DENND4A: variants seen among roughly 807,000 people sequenced by gnomAD.
The protein encoded by DENND4A is DENN domain containing 4A, also known as C-myc promoter-binding protein.
A neutral mutation model predicts 199.3 loss-of-function variants in DENND4A; 70 were observed. That is an observed-to-expected ratio of 0.35 (90% CI 0.29 to 0.43). The LOEUF (loss-of-function observed/expected upper bound fraction) is 0.43, where lower values mean the gene tolerates loss of function less well. Ranked by LOEUF, DENND4A falls within the 20% of genes least tolerant of loss-of-function variation. The pLI is 1.00. For synonymous variants in DENND4A, 686 were observed against 766.9 expected, an observed-to-expected ratio of 0.89 and a Z score of 1.74; for missense variants, 1,723 against 2,255.8, an observed-to-expected ratio of 0.76 and a Z score of 4.78.
At chr15:65,771,086 C>A (rs1449690791) in intron 1 of DENND4A, 6 of 1,280,736 alleles carry the variant, frequency 4.7e-6, no homozygotes, top group Non-Finnish European at 6.4e-6. Flanking sequence ...AGTATCAGAT[C>A]TTTCCCTTCA....
At chr15:65,718,355 A>T (rs961584760) in intron 12 of DENND4A, among the ~76,000 whole-genome samples, 1 of 152,088 alleles carries the variant, frequency 6.6e-6, no homozygotes, top group Non-Finnish European at 1.5e-5. Context: ...TCTTTACAAA[A>T]TTTTTTTTAA....
intron 14 of DENND4A, among the ~76,000 whole-genome samples, chr15:65,712,256 T>C (rs1011952987): frequency 2.0e-5 from 3 of 152,234 alleles, no homozygotes; most frequent in Non-Finnish European, 4.4e-5. Context: ...TACAAGGCTC[T>C]GAATGTGTTC....
At chr15:65,728,787 C>T (rs2075882664) in intron 11 of DENND4A, among the ~76,000 whole-genome samples, 1 of 151,946 alleles carries the variant, frequency 6.6e-6, no homozygotes, top group African/African-American at 2.4e-5. Context: ...CCGCGCCCGG[C>T]CCCCTTTGGC....
chr15:65,723,943 T>C (rs1156560260), intron 11 of DENND4A, among the ~76,000 whole-genome samples: 3 of 152,068 alleles, frequency 2.0e-5, no homozygotes, highest in African/African-American at 7.2e-5. Flanking sequence ...TCCTTTATTA[T>C]AGCAATTACA....
rs1237270771 is a variant in DENND4A, at chr15:65,669,918, G to C, written c.4648C>G (p.Leu1550Val). ...RDLRRPGRYFLKSSPSTENMH... is the reference protein window; with the variant it reads ...RDLRRPGRYFVKSSPSTENMH... Reference sequence around the variant, plus strand: ...TTTTCTGTTGATGGGCTTGACTTTAGAAAGTATCTGTAATGTGAATCGAAG... The same window carrying C: ...TTTTCTGTTGATGGGCTTGACTTTACAAAGTATCTGTAATGTGAATCGAAG... The change falls in exon 27 of 33, where the codon CTA becomes GTA. Residue 1550 changes from leucine (L) to valine (V), a missense_variant. Transcript: ENST00000443035. The C allele has an allele frequency of 1.9e-6, 3 of 1,613,798 alleles. No homozygotes were observed. The highest frequency in any genetic ancestry group is 3.3e-5 in the Admixed American group (2 of 60,004).
chr15:65,748,058 AAAAAAGG>A (rs2076456597), intron 4 of DENND4A, among the ~76,000 whole-genome samples: 2 of 147,748 alleles, frequency 1.4e-5, no homozygotes, highest in African/African-American at 2.5e-5. Flanking sequence ...AAAAAAAAAA[AAAAAAGG>A]AAAAAAAAAA....
chr15:65,741,780 C>G lies in DENND4A; in HGVS notation c.566G>C (p.Gly189Ala), dbSNP rs1438372746. 1.2e-6 allele frequency: 2 copies of G among 1,610,174 alleles called. No homozygotes were observed. Among genetic ancestry groups the G allele is most frequent in the Admixed American group, 3.3e-5 (2 of 59,970 alleles). ...TTTATAACACAAGTATACTGCTGAT[C>G]CCCACTGGATTTAAAAAAATAGAAA... ...VDKNLNNSMWGSAVYLCYKKS... is the reference protein window; with the variant it reads ...VDKNLNNSMWASAVYLCYKKS... Residue 189 changes from glycine to alanine, a missense_variant, in exon 5 of 33, where the codon GGA (glycine) becomes GCA (alanine). Transcript: ENST00000443035.
In DENND4A at chr15:65,720,895, T is replaced by G. The variant is rs111367627; in HGVS notation, c.1588+1953A>C. Among the ~76,000 whole-genome samples, 813 of 145,044 alleles carry G rather than the reference T, an allele frequency of 5.6e-3. 4 individuals carry two copies. The highest frequency in any genetic ancestry group is 0.014 in the African/African-American group (563 of 39,448). On this transcript the variant is annotated intron_variant, in intron 12 of 32. Coordinates refer to ENST00000443035, the MANE Select transcript of DENND4A (RefSeq NM_001320835.1). ...CAGTATTATTTAAATGTTTGTAGTT[T>G]TAACCTTTGAGATTCTGCCTTTCAC...
intron 1 of DENND4A, chr15:65,771,745 C>G (rs1031004849): frequency 1.9e-6 from 3 of 1,612,382 alleles, no homozygotes; most frequent in Non-Finnish European, 2.5e-6. Context: ...CACAAAACCT[C>G]TATGGAAATT....
At chr15:65,755,806 T>C (rs996711296) in intron 3 of DENND4A, among the ~76,000 whole-genome samples, 1 of 152,182 alleles carries the variant, frequency 6.6e-6, no homozygotes, top group African/African-American at 2.4e-5. Flanking sequence ...CATTATAACA[T>C]GCTTAAAAGC....
At chr15:65,720,950 TATATATATATATATATATA>T (rs2075610013) in intron 12 of DENND4A, among the ~76,000 whole-genome samples, 1 of 30,350 alleles carries the variant, frequency 3.3e-5, no homozygotes, top group South Asian at 1.9e-3. Context: ...TCATTGATTA[TATATATATATATATATATA>T]TATATATATA....
At chr15:65,724,915 A>G (rs1176915367) in intron 11 of DENND4A, among the ~76,000 whole-genome samples, 1 of 152,202 alleles carries the variant, frequency 6.6e-6, no homozygotes, top group Non-Finnish European at 1.5e-5. Context: ...AGAAAGAAGA[A>G]TATGTGGTTT....
rs1348926318 is a variant in DENND4A, at chr15:65,766,635, TG to T, written c.-101-5198del. On this transcript the variant is annotated intron_variant, in intron 1 of 32. Coordinates refer to ENST00000443035, the MANE Select transcript of DENND4A (RefSeq NM_001320835.1). ...GGATTTTGGAATCCACAGGTGGTCC[TG>T]GAACTGGTCCCCAGCAGACAGTGAG... 14 of 152,286 alleles carry T rather than the reference TG, an allele frequency of 9.2e-5. No individual in the cohort carries two copies. In the South Asian group the frequency reaches 2.7e-3, roughly 29 times the overall value. 9.4% of individuals were successfully genotyped at this position (152,286 alleles called of 1,614,324 possible).
chr15:65,791,809 C>G (rs2077736743), intron 1 of DENND4A, among the ~76,000 whole-genome samples: 1 of 152,178 alleles, frequency 6.6e-6, no homozygotes, highest in Non-Finnish European at 1.5e-5. Flanking sequence ...GGGTGCTACT[C>G]TCAGCACCGC....
In DENND4A at chr15:65,660,579, A is replaced by G; in HGVS notation, c.*1272T>C. 1 of 366,118 alleles carries G rather than the reference A, an allele frequency of 2.7e-6. No homozygotes were observed. Among genetic ancestry groups the G allele is most frequent in the Non-Finnish European group, 4.9e-6 (1 of 204,998 alleles). 22.7% of individuals were successfully genotyped at this position (366,118 alleles called of 1,614,324 possible). On this transcript the variant is annotated 3_prime_UTR_variant, in exon 33 of 33. Transcript: ENST00000443035. ...TTTTTCCTTACCAGAAATTACCCAA[A>G]GAAAGTTACATTAGAAATAATATGA...
chr15:65,665,135 C>CA (rs1426706421), intron 30 of DENND4A: 5 of 468,670 alleles, frequency 1.1e-5, no homozygotes, highest in East Asian at 3.3e-5. Context: ...AAACAAAAAA[C>CA]AAAAAACAAA....
At chr15:65,781,540 T>C (rs764387146) in intron 1 of DENND4A, among the ~76,000 whole-genome samples, 1 of 152,026 alleles carries the variant, frequency 6.6e-6, no homozygotes, top group Non-Finnish European at 1.5e-5. Flanking sequence ...AATAAATGGA[T>C]GTAAGGAATG....
chr15:65,709,719 A>AAAAAAAAAAAAATATATAT (rs1218030026), intron 14 of DENND4A, among the ~76,000 whole-genome samples: 2 of 51,474 alleles, frequency 3.9e-5, no homozygotes, highest in African/African-American at 1.0e-4. Flanking sequence ...AAAAAAAAAA[A>AAAAAAAAAAAAATATATAT]ATATATATAT....
At chr15:65,714,582 C>G (rs1190306140) in intron 14 of DENND4A, among the ~76,000 whole-genome samples, 1 of 152,152 alleles carries the variant, frequency 6.6e-6, no homozygotes, top group Non-Finnish European at 1.5e-5. Flanking sequence ...CCAAATCCTG[C>G]CCCACCATGC....
Sources: allele counts gnomAD v4.1 joint callset (sites outside exome capture counted in the v4.1 genomes callset), GRCh38; gene constraint gnomAD v4.1.1; transcripts MANE v1.5; gene names NCBI Gene and HGNC (gene_info 2026-07-23, HGNC 2026-07-21).